PSMF1: variants seen among roughly 807,000 people sequenced by gnomAD.
PSMF1 encodes proteasome inhibitor subunit 1.
PSMF1 carries 30 observed loss-of-function variants against 29.3 expected under a neutral mutation model. The observed-to-expected ratio is 1.02, with a 90% CI of 0.77 to 1.39. The LOEUF is 1.39. PSMF1 is among the 40% of genes most tolerant of loss of function. The probability of loss-of-function intolerance (pLI) is 0.00; values close to 1 mark genes in which losing one functional copy is unlikely to be tolerated. For missense variants in PSMF1, 344 were observed against 357.5 expected, an observed-to-expected ratio of 0.96 and a Z score of 0.31; for synonymous variants, 134 against 139.7, an observed-to-expected ratio of 0.96 and a Z score of 0.29.
At chr20:1,152,297 C>T (rs1366355267) in intron 4 of PSMF1, among the ~76,000 whole-genome samples, 2 of 152,224 alleles carry the variant, frequency 1.3e-5, no homozygotes, top group Non-Finnish European at 2.9e-5. Context: ...TTGCCCAAAG[C>T]AACACATCTT....
At chr20:1,125,365 C>A in intron 1 of PSMF1, 133 bp from the exon 2 acceptor site, 1 of 974,756 alleles carries the variant, frequency 1.0e-6, no homozygotes, top group Non-Finnish European at 1.5e-6. Flanking sequence ...GGATCTTGGG[C>A]AAGTCATTTC....
Position 1,164,922 on chromosome 20 carries a change from C to A in PSMF1, c.765-107C>A. 1.0e-6 allele frequency: 1 copy of A among 1,001,580 alleles called. No homozygotes were observed. The highest frequency in any genetic ancestry group is 1.6e-6 in the Non-Finnish European group (1 of 637,818). The allele number at this position is 1,001,580 out of a possible 1,614,324, so 62.0% of individuals were successfully genotyped here. ...GTGCATGTGTTTAAATTCCTCACAC[C>A]GCCACATCATGTTGAAGGGCAGGCT... On this transcript the variant is annotated intron_variant, in intron 6 of 6. Transcript: ENST00000335877. The surrounding 1 kb of genome is among the most constrained non-coding windows in gnomAD (Gnocchi z 4.1).
chr20:1,137,430 A>G (rs1411546329), intron 4 of PSMF1, among the ~76,000 whole-genome samples: 2 of 152,218 alleles, frequency 1.3e-5, no homozygotes, highest in South Asian at 2.1e-4. Context: ...ATAGCCAGAT[A>G]CTGTTTTCTA....
chr20:1,126,103 T>G (rs1298986640), intron 2 of PSMF1, among the ~76,000 whole-genome samples: 1 of 152,202 alleles, frequency 6.6e-6, no homozygotes, highest in African/African-American at 2.4e-5. Context: ...CATTTTTGAC[T>G]TCCTCAAAAA....
intron 4 of PSMF1, among the ~76,000 whole-genome samples, chr20:1,151,067 A>AT (rs2086524645): frequency 6.6e-6 from 1 of 152,172 alleles, no homozygotes; most frequent in Non-Finnish European, 1.5e-5. Flanking sequence ...TTACTTGTGC[A>AT]ACTATTCTCT....
chr20:1,113,304 T>C (rs1000041602), exon 1 of PSMF1: 1 of 152,236 alleles, frequency 6.6e-6, no homozygotes, highest in African/African-American at 2.4e-5. Context: ...ACCTCTGGCA[T>C]AGGCTCTTGG....
intron 4 of PSMF1, among the ~76,000 whole-genome samples, chr20:1,150,405 C>T (rs1199076042): frequency 1.3e-5 from 2 of 151,972 alleles, no homozygotes; most frequent in African/African-American, 4.8e-5. Context: ...GCAGTTCCAC[C>T]CACTGTTGCT....
chr20:1,141,895 A>G (rs1447933546), intron 4 of PSMF1, among the ~76,000 whole-genome samples: 1 of 152,242 alleles, frequency 6.6e-6, no homozygotes, highest in Non-Finnish European at 1.5e-5. Context: ...ACGAAATTTA[A>G]AATACAGTAC....
chr20:1,161,838 G>C (rs543073920), intron 4 of PSMF1: 2 of 331,874 alleles, frequency 6.0e-6, no homozygotes, highest in East Asian at 1.4e-4. Context: ...CTTGAAGCTT[G>C]TGTCTGATAT....
rs115459544 is a variant in PSMF1, at chr20:1,154,926, C to A, written c.552-8204C>A. ...TACAGATTAGCAGCTGGGAAGGCAGCCATGTTGGCATTCTGTACTGATAAA... is the reference window on the plus strand; with the variant it reads ...TACAGATTAGCAGCTGGGAAGGCAGACATGTTGGCATTCTGTACTGATAAA... On this transcript the variant is annotated intron_variant, in intron 4 of 6. Transcript: ENST00000335877. 5.0e-3 allele frequency among the ~76,000 whole-genome samples: 759 copies of A among 152,310 alleles called. 5 individuals are homozygous for A. The highest frequency in any genetic ancestry group is 0.017 in the African/African-American group (720 of 41,566).
intron 3 of PSMF1, among the ~76,000 whole-genome samples, chr20:1,130,395 A>T (rs150631362): frequency 3.2e-3 from 483 of 152,288 alleles, no homozygotes; most frequent in African/African-American, 0.01. Context: ...ACAATCCTTG[A>T]TGAGGCCTTA....
chr20:1,148,256 G>A (rs2086481382), intron 4 of PSMF1, among the ~76,000 whole-genome samples: 2 of 152,242 alleles, frequency 1.3e-5, no homozygotes, highest in East Asian at 3.9e-4. Context: ...GAGGTGGGCA[G>A]GTCTTTTCTA....
At chr20:1,126,873 T>A (rs1281740647) in intron 2 of PSMF1, among the ~76,000 whole-genome samples, 2 of 152,278 alleles carry the variant, frequency 1.3e-5, no homozygotes, top group African/African-American at 4.8e-5. Flanking sequence ...AGCAAGCCTC[T>A]GTCTCAAAAC....
intron 3 of PSMF1, among the ~76,000 whole-genome samples, chr20:1,134,471 C>T (rs2086276524): frequency 1.3e-5 from 2 of 152,106 alleles, no homozygotes; most frequent in Non-Finnish European, 2.9e-5. Flanking sequence ...GTGAGCTTTG[C>T]TTTATGGGCC....
intron 1 of PSMF1, among the ~76,000 whole-genome samples, chr20:1,122,506 G>A (rs2086102619): frequency 6.6e-6 from 1 of 151,936 alleles, no homozygotes; most frequent in East Asian, 1.9e-4. Flanking sequence ...CACCATGTTT[G>A]CCAGGCTGGT....
chr20:1,165,911 C>T lies in PSMF1; in HGVS notation c.*831C>T, dbSNP rs546895174. 9.3e-6 allele frequency: 12 copies of T among 1,290,698 alleles called. No homozygotes were observed. In the Admixed American group the frequency reaches 9.8e-5, roughly 11 times the overall value. The allele number at this position is 1,290,698 out of a possible 1,614,324, so 80.0% of individuals were successfully genotyped here. A position where few individuals can be genotyped will look rare whatever the true frequency, so the allele number is the denominator to read the frequency against. Reference sequence around the variant, plus strand: ...GAATGACCCTAAGCAAGTTCCTTCTCCTCTTAGGGCCTTGTGCCAAGCCTA... The same window carrying T: ...GAATGACCCTAAGCAAGTTCCTTCTTCTCTTAGGGCCTTGTGCCAAGCCTA... On this transcript the variant is annotated 3_prime_UTR_variant, in exon 7 of 7. Coordinates refer to ENST00000335877, the MANE Select transcript of PSMF1 (RefSeq NM_006814.5).
At chr20:1,115,597 T>G (rs1404621545), upstream of PSMF1, among the ~76,000 whole-genome samples, 1 of 152,188 alleles carries the variant, frequency 6.6e-6, no homozygotes, top group Non-Finnish European at 1.5e-5. Flanking sequence ...GAAAGTGCAA[T>G]TAATCATGGG....
chr20:1,137,716 CA>C (rs1449457639), intron 4 of PSMF1, among the ~76,000 whole-genome samples: 1 of 152,006 alleles, frequency 6.6e-6, no homozygotes, highest in Non-Finnish European at 1.5e-5. Flanking sequence ...CAAACTAATT[CA>C]AAAAATTATT....
chr20:1,142,015 C>T (rs1233766767), intron 4 of PSMF1, among the ~76,000 whole-genome samples: 3 of 152,130 alleles, frequency 2.0e-5, no homozygotes, highest in Non-Finnish European at 2.9e-5. Flanking sequence ...GTCAGGAGTT[C>T]GAGACCAGCC....
Sources: allele counts gnomAD v4.1 joint callset (sites outside exome capture counted in the v4.1 genomes callset), GRCh38; gene constraint gnomAD v4.1.1; non-coding constraint Gnocchi (gnomAD v3.1); transcripts MANE v1.5; gene names NCBI Gene and HGNC (gene_info 2026-07-23, HGNC 2026-07-21).